Variants in MAML2 observed in about 807,000 individuals in gnomAD.
MAML2 encodes mastermind-like protein 2.
In MAML2, 22 loss-of-function variants were observed where a neutral mutation model predicts 96.1. The observed-to-expected ratio is 0.23, with a 90% CI of 0.16 to 0.33. The LOEUF is 0.33. MAML2 is among the 10% of genes least tolerant of loss of function. The pLI is 1.00. For missense variants in MAML2, 1,367 were observed against 1,392.4 expected, an observed-to-expected ratio of 0.98 and a Z score of 0.29; for synonymous variants, 561 against 521.3, an observed-to-expected ratio of 1.08 and a Z score of -1.04.
At position 96,237,479 on chromosome 11, in the gene MAML2, T is replaced by C. The variant is rs577121020; in HGVS notation, c.513+103904A>G. ...ATTTCATTTCTTCTTTATAATTGTT[T>C]CACAGGAGTTGATTTTCTAACTCCA... On this transcript the variant is annotated intron_variant, in intron 1 of 4. Coordinates refer to ENST00000524717, the MANE Select transcript of MAML2 (RefSeq NM_032427.4). 7.9e-4 allele frequency among the ~76,000 whole-genome samples: 120 copies of C among 152,360 alleles called. No homozygotes were observed. The Middle Eastern group carries it at 0.017, about 22-fold the overall frequency.
At chr11:96,044,602 G>A (rs1022887521) in intron 2 of MAML2, among the ~76,000 whole-genome samples, 1 of 152,140 alleles carries the variant, frequency 6.6e-6, no homozygotes, top group Non-Finnish European at 1.5e-5. Flanking sequence ...GAATGCATGA[G>A]GCCATGATCA....
At chr11:96,233,951 T>G (rs903663838) in intron 1 of MAML2, among the ~76,000 whole-genome samples, 1 of 152,134 alleles carries the variant, frequency 6.6e-6, no homozygotes, top group Admixed American at 6.5e-5. Flanking sequence ...AAATTAGAAA[T>G]CCAGCCCTCT....
intron 4 of MAML2, among the ~76,000 whole-genome samples, chr11:95,980,420 A>G (rs530858977): frequency 3.3e-5 from 5 of 152,214 alleles, no homozygotes; most frequent in South Asian, 4.2e-4. Context: ...TTCCCAAACT[A>G]TGGCCTTGAA....
chr11:96,022,720 G>A (rs1031343827), intron 2 of MAML2, among the ~76,000 whole-genome samples: 1 of 152,204 alleles, frequency 6.6e-6, no homozygotes, highest in Non-Finnish European at 1.5e-5. Flanking sequence ...GGAAAATGAA[G>A]CTAATTATAT....
At chr11:96,310,468 C>T (rs1440527910) in intron 1 of MAML2, among the ~76,000 whole-genome samples, 1 of 152,160 alleles carries the variant, frequency 6.6e-6, no homozygotes, top group Non-Finnish European at 1.5e-5. Context: ...TTTCAAGTTA[C>T]CACATTGCTG....
At chr11:96,113,172 CAA>C (rs746481079) in intron 1 of MAML2, among the ~76,000 whole-genome samples, 2 of 26,856 alleles carry the variant, frequency 7.4e-5, no homozygotes. Context: ...CTTTAAAAGA[CAA>C]AAAAAAAAAA....
chr11:96,015,595 G>GC (rs1858336758), intron 2 of MAML2, among the ~76,000 whole-genome samples: 1 of 112,414 alleles, frequency 8.9e-6, no homozygotes, highest in South Asian at 3.4e-4. Context: ...GGGGGGGGGG[G>GC]CAATTCATGA....
At chr11:96,078,378 A>G (rs1199124535) in intron 2 of MAML2, among the ~76,000 whole-genome samples, 1 of 152,236 alleles carries the variant, frequency 6.6e-6, no homozygotes, top group Non-Finnish European at 1.5e-5. Context: ...CATATAAGTC[A>G]AACAGACTTT....
At chr11:95,992,684 T>G (rs1857931273) in intron 2 of MAML2, among the ~76,000 whole-genome samples, 1 of 152,326 alleles carries the variant, frequency 6.6e-6, no homozygotes, top group East Asian at 1.9e-4. Context: ...TTACATGATA[T>G]AAACACTAAG....
chr11:96,181,687 G>A (rs1323607994), intron 1 of MAML2, among the ~76,000 whole-genome samples: 2 of 152,060 alleles, frequency 1.3e-5, no homozygotes, highest in African/African-American at 2.4e-5. Flanking sequence ...CATCCATAGT[G>A]GCCTCACACA....
intron 2 of MAML2, among the ~76,000 whole-genome samples, chr11:96,055,640 G>A (rs1859054617): frequency 6.6e-6 from 1 of 152,156 alleles, no homozygotes; most frequent in African/African-American, 2.4e-5. Context: ...TGATCCTGGG[G>A]CCCCCATCCT....
At chr11:96,014,452 T>C (rs1858312231) in intron 2 of MAML2, among the ~76,000 whole-genome samples, 2 of 152,148 alleles carry the variant, frequency 1.3e-5, no homozygotes, top group Admixed American at 1.3e-4. Flanking sequence ...GGAATCAACA[T>C]TTAAAACTAA....
At chr11:95,997,236 A>G (rs977839219) in intron 2 of MAML2, among the ~76,000 whole-genome samples, 4 of 152,150 alleles carry the variant, frequency 2.6e-5, no homozygotes, top group African/African-American at 9.7e-5. Flanking sequence ...TTTTAAATCA[A>G]TTATGAGTGC....
intron 1 of MAML2, among the ~76,000 whole-genome samples, chr11:96,264,425 T>C (rs1012208284): frequency 2.6e-5 from 4 of 152,298 alleles, no homozygotes; most frequent in Admixed American, 2.0e-4. Context: ...AAATAACCCA[T>C]TTGAACACAA....
At chr11:96,241,373 G>A (rs963370166) in intron 1 of MAML2, among the ~76,000 whole-genome samples, 3 of 152,186 alleles carry the variant, frequency 2.0e-5, no homozygotes, top group African/African-American at 4.8e-5. Flanking sequence ...CAATGTGGGA[G>A]GCTGACGACT....
chr11:96,210,017 A>G (rs1861947216), intron 1 of MAML2, among the ~76,000 whole-genome samples: 1 of 152,226 alleles, frequency 6.6e-6, no homozygotes, highest in African/African-American at 2.4e-5. Flanking sequence ...GTAGTTAACA[A>G]TACCTAACTT....
chr11:96,047,611 G>C (rs999785733), intron 2 of MAML2, among the ~76,000 whole-genome samples: 1 of 152,016 alleles, frequency 6.6e-6, no homozygotes, highest in South Asian at 2.1e-4. Context: ...AAAAAATGTA[G>C]TTAAAACTAG....
chr11:96,241,415 G>A (rs932193858), intron 1 of MAML2, among the ~76,000 whole-genome samples: 3 of 152,202 alleles, frequency 2.0e-5, no homozygotes, highest in Non-Finnish European at 4.4e-5. Context: ...TTGACAGGGG[G>A]TGATTTGGCC....
intron 2 of MAML2, among the ~76,000 whole-genome samples, chr11:96,084,209 G>A (rs988563627): frequency 6.6e-6 from 1 of 152,138 alleles, no homozygotes; most frequent in African/African-American, 2.4e-5. Flanking sequence ...AATGACTTTG[G>A]AGACTTCGGC....
Sources: allele counts gnomAD v4.1 joint callset (sites outside exome capture counted in the v4.1 genomes callset), GRCh38; gene constraint gnomAD v4.1.1; transcripts MANE v1.5; gene names NCBI Gene and HGNC (gene_info 2026-07-23, HGNC 2026-07-21).